FGF14: variants seen among roughly 807,000 people sequenced by gnomAD.
FGF14 encodes fibroblast growth factor homologous factor 4.
FGF14 carries 5 observed loss-of-function variants against 25.5 expected under a neutral mutation model. The ratio of observed to expected loss-of-function variants is 0.20; its 90% confidence interval spans 0.10 to 0.41. The LOEUF is 0.41. Ranked by LOEUF, FGF14 falls within the 10% of genes least tolerant of loss-of-function variation. The pLI is 1.00. For synonymous variants in FGF14, 138 were observed against 118.3 expected (o/e 1.17, Z -1.08); for missense variants, 222 against 320.1 (o/e 0.69, Z 2.34).
At chr13:101,964,304 C>T (rs530152509) in intron 1 of FGF14, among the ~76,000 whole-genome samples, 4 of 152,154 alleles carry the variant, frequency 2.6e-5, no homozygotes, top group Admixed American at 2.0e-4. Context: ...GTTTGACAAA[C>T]ATATATTATT....
chr13:102,378,827 A>G, intron 1 of FGF14, among the ~76,000 whole-genome samples: 1 of 152,150 alleles, frequency 6.6e-6, no homozygotes, highest in East Asian at 1.9e-4. Context: ...AATGATTTTT[A>G]AAACAGACGA....
chr13:102,079,106 C>G (rs1234452133), intron 1 of FGF14, among the ~76,000 whole-genome samples: 1 of 152,132 alleles, frequency 6.6e-6, no homozygotes, highest in Non-Finnish European at 1.5e-5. Context: ...TGATGGTCAC[C>G]CAGGGAGCCC....
At chr13:101,934,541 C>T (rs1461233344) in intron 1 of FGF14, among the ~76,000 whole-genome samples, 1 of 152,126 alleles carries the variant, frequency 6.6e-6, no homozygotes, top group Admixed American at 6.5e-5. Flanking sequence ...ACACATTTGT[C>T]AAAATTCATC....
chr13:102,045,680 C>T (rs1230420691), intron 1 of FGF14, among the ~76,000 whole-genome samples: 1 of 152,072 alleles, frequency 6.6e-6, no homozygotes, highest in Non-Finnish European at 1.5e-5. Flanking sequence ...ATATTTGATC[C>T]CTGATACAGT....
At chr13:102,362,818 C>A (rs531127175) in intron 1 of FGF14, among the ~76,000 whole-genome samples, 17 of 151,950 alleles carry the variant, frequency 1.1e-4, no homozygotes, top group Non-Finnish European at 2.1e-4. Context: ...AAAAAAAAAT[C>A]AAATTTTAAA....
intron 1 of FGF14, among the ~76,000 whole-genome samples, chr13:102,340,740 A>C (rs1443740276): frequency 6.6e-6 from 1 of 152,340 alleles, no homozygotes; most frequent in South Asian, 2.1e-4. Flanking sequence ...GCTTCTTATT[A>C]CAGTAGCTAA....
chr13:101,988,473 T>C (rs1054554144), intron 1 of FGF14, among the ~76,000 whole-genome samples: 3 of 151,884 alleles, frequency 2.0e-5, no homozygotes, highest in African/African-American at 2.4e-5. Flanking sequence ...CCAACAACGA[T>C]AGACTGGATT....
At chr13:102,018,506 T>C (rs1005647237) in intron 1 of FGF14, among the ~76,000 whole-genome samples, 3 of 152,154 alleles carry the variant, frequency 2.0e-5, no homozygotes, top group Admixed American at 2.0e-4. Flanking sequence ...GCTTTGCATC[T>C]ACCAAAGTAT....
intron 1 of FGF14, among the ~76,000 whole-genome samples, chr13:102,075,257 G>A (rs1566652988): frequency 1.3e-5 from 2 of 152,148 alleles, no homozygotes; most frequent in African/African-American, 4.8e-5. Flanking sequence ...AAAATCAGTA[G>A]AATTTCTATA....
At chr13:101,953,746 A>G (rs2036329999) in intron 1 of FGF14, among the ~76,000 whole-genome samples, 1 of 151,698 alleles carries the variant, frequency 6.6e-6, no homozygotes, top group Admixed American at 6.6e-5. Flanking sequence ...ACGTGCCAAC[A>G]CGGCTGGCTA....
chr13:102,318,629 G>A (rs1027230102), intron 1 of FGF14, among the ~76,000 whole-genome samples: 5 of 152,168 alleles, frequency 3.3e-5, no homozygotes, highest in African/African-American at 1.2e-4. Flanking sequence ...CCCTATCTGT[G>A]TATAAATTTC....
At chr13:101,928,771 C>T (rs1810142059) in intron 1 of FGF14, among the ~76,000 whole-genome samples, 1 of 152,186 alleles carries the variant, frequency 6.6e-6, no homozygotes, top group African/African-American at 2.4e-5. Context: ...CAGCTCTGTA[C>T]TTCTCAGAAG....
At chr13:101,908,614 T>C (rs1227246498) in intron 1 of FGF14, among the ~76,000 whole-genome samples, 2 of 152,122 alleles carry the variant, frequency 1.3e-5, no homozygotes, top group African/African-American at 4.8e-5. Context: ...TGGAAGAACA[T>C]TCCATGCTCA....
At chr13:101,899,174 A>C (rs1594651318) in intron 1 of FGF14, among the ~76,000 whole-genome samples, 1 of 150,852 alleles carries the variant, frequency 6.6e-6, no homozygotes, top group Admixed American at 6.6e-5. Context: ...ACTACAGTAA[A>C]CTGGAATCTT....
At chr13:102,316,548 T>A (rs980820616) in intron 1 of FGF14, among the ~76,000 whole-genome samples, 1 of 152,142 alleles carries the variant, frequency 6.6e-6, no homozygotes, top group African/African-American at 2.4e-5. Flanking sequence ...ACTAAACATG[T>A]TAAAACATTG....
At chr13:102,145,334 G>T (rs1355659612) in intron 1 of FGF14, among the ~76,000 whole-genome samples, 3 of 152,142 alleles carry the variant, frequency 2.0e-5, no homozygotes, top group Non-Finnish European at 2.9e-5. Context: ...TTTGGGCATT[G>T]TTGGGTGACG....
chr13:102,020,922 TAAAA>T (rs35573849), intron 1 of FGF14, among the ~76,000 whole-genome samples: 1 of 143,704 alleles, frequency 7.0e-6, no homozygotes, highest in Non-Finnish European at 1.6e-5. Context: ...AACACAGAGA[TAAAA>T]AAAAAAAGGC....
chr13:102,014,526 T>C (rs1307146760), intron 1 of FGF14, among the ~76,000 whole-genome samples: 2 of 152,132 alleles, frequency 1.3e-5, no homozygotes, highest in African/African-American at 4.8e-5. Flanking sequence ...CAAACAAAAA[T>C]GATAAGCAAT....
intron 1 of FGF14, among the ~76,000 whole-genome samples, chr13:101,893,734 C>T (rs145275517): frequency 1.9e-3 from 287 of 152,256 alleles, no homozygotes; most frequent in African/African-American, 6.7e-3. Context: ...TCTACAGCTT[C>T]CAAAAAGGAT....
Sources: gnomAD v4.1 joint callset for allele counts (sites outside exome capture counted in the v4.1 genomes callset) on GRCh38, gnomAD v4.1.1 for gene constraint, MANE v1.5 for transcripts, NCBI Gene and HGNC (gene_info 2026-07-23, HGNC 2026-07-21) for gene names.